The following MATCAP1 variants were observed in gnomAD, a reference collection of about 807,000 sequenced individuals.
The protein encoded by MATCAP1 is microtubule-associated tyrosine carboxypeptidase 1.
At chr16:67,180,719 G>A in the MATCAP1 span, 4 of 706,246 alleles carry the variant, frequency 5.7e-6, no homozygotes, top group East Asian at 8.6e-5. Flanking sequence ...GTGACCAAAC[G>A]ACCAGCAGGC....
the MATCAP1 span, chr16:67,180,497 C>T: frequency 5.0e-6 from 8 of 1,586,010 alleles, no homozygotes; most frequent in Non-Finnish European, 6.9e-6. Flanking sequence ...ACCAGGGGTA[C>T]AGTGGTGGCC....
the MATCAP1 span, among the ~76,000 whole-genome samples, chr16:67,182,097 A>G: frequency 1.3e-5 from 2 of 152,150 alleles, no homozygotes; most frequent in African/African-American, 4.8e-5. Flanking sequence ...CTAAAATACA[A>G]AATTAGCTGG....
chr16:67,178,489 C>T, the MATCAP1 span: 1 of 1,528,884 alleles, frequency 6.5e-7, no homozygotes, highest in Non-Finnish European at 8.7e-7. Context: ...GTTCACGCCC[C>T]GCAGGTAGTG....
At chr16:67,180,269 C>G in the MATCAP1 span, 1 of 1,612,632 alleles carries the variant, frequency 6.2e-7, no homozygotes, top group Non-Finnish European at 8.5e-7. Flanking sequence ...AGGCTGCAGG[C>G]CGCAGGGTGC....
the MATCAP1 span, among the ~76,000 whole-genome samples, chr16:67,181,012 C>T: frequency 6.6e-6 from 1 of 152,330 alleles, no homozygotes; most frequent in Admixed American, 6.5e-5. Flanking sequence ...AATGCATGAG[C>T]CATCGCACCC....
At chr16:67,178,431 C>G in the MATCAP1 span, 4 of 1,539,112 alleles carry the variant, frequency 2.6e-6, no homozygotes, top group Non-Finnish European at 3.5e-6. Flanking sequence ...CCGGCCGCAG[C>G]CCGTACCGCA....
chr16:67,179,187 G>A, the MATCAP1 span: 2 of 1,341,904 alleles, frequency 1.5e-6, no homozygotes, highest in Non-Finnish European at 1.9e-6. The surrounding 1 kb of genome is among the most constrained non-coding windows in gnomAD (Gnocchi z 5.2). Flanking sequence ...AGGAAGTGGA[G>A]AGAGAAAAAT....
the MATCAP1 span, among the ~76,000 whole-genome samples, chr16:67,182,345 G>A: frequency 2.0e-5 from 3 of 151,220 alleles, no homozygotes; most frequent in East Asian, 1.9e-4. Flanking sequence ...CTCCTACCTT[G>A]CTGGTCATCC....
chr16:67,178,256 C>A, the MATCAP1 span: 1 of 1,565,144 alleles, frequency 6.4e-7, no homozygotes, highest in Non-Finnish European at 8.7e-7. Context: ...TCCCAGCGCA[C>A]ATCGGCGTCC....
the MATCAP1 span, among the ~76,000 whole-genome samples, chr16:67,182,402 T>G: frequency 6.6e-6 from 1 of 152,260 alleles, no homozygotes; most frequent in Non-Finnish European, 1.5e-5. Context: ...GACTTGCCTA[T>G]GGAAACTTCT....
the MATCAP1 span, chr16:67,176,782 G>C: frequency 2.6e-6 from 4 of 1,530,610 alleles, no homozygotes; most frequent in Non-Finnish European, 2.6e-6. The surrounding 1 kb of genome is among the most constrained non-coding windows in gnomAD (Gnocchi z 4.3). Context: ...CTTCTGTCCA[G>C]GGCCTCTGAC....
At chr16:67,175,707 T>C in the MATCAP1 span, 2 of 152,428 alleles carry the variant, frequency 1.3e-5, no homozygotes, top group African/African-American at 2.4e-5. Context: ...TTATAATATA[T>C]TCGCTTACTA....
the MATCAP1 span, among the ~76,000 whole-genome samples, chr16:67,181,028 A>G: frequency 6.6e-6 from 1 of 152,184 alleles, no homozygotes; most frequent in Non-Finnish European, 1.5e-5. Context: ...CACCCAGCCG[A>G]AAGCAAGAGT....
the MATCAP1 span, chr16:67,179,130 G>A: frequency 4.9e-6 from 6 of 1,212,358 alleles, no homozygotes; most frequent in African/African-American, 7.9e-5. The surrounding 1 kb of genome is among the most constrained non-coding windows in gnomAD (Gnocchi z 5.2). Context: ...TTCTCTGGCC[G>A]GTCAGGGCCT....
the MATCAP1 span, chr16:67,180,315 C>T: frequency 6.2e-6 from 10 of 1,612,116 alleles, no homozygotes; most frequent in African/African-American, 1.3e-5. Context: ...AGGTGGAGGC[C>T]GTCCCAGGGT....
the MATCAP1 span, among the ~76,000 whole-genome samples, chr16:67,182,207 C>T: frequency 0.069 from 10,425 of 150,788 alleles, 709 homozygotes; most frequent in African/African-American, 0.18. Context: ...CAAGATTGTG[C>T]CATGGCACTC....
chr16:67,177,884 C>A, the MATCAP1 span: 1 of 777,686 alleles, frequency 1.3e-6, no homozygotes, highest in South Asian at 1.6e-5. Flanking sequence ...TCACTTCCAC[C>A]CACGCTCCCC....
At chr16:67,176,706 C>G in the MATCAP1 span, 9 of 1,134,384 alleles carry the variant, frequency 7.9e-6, no homozygotes, top group Non-Finnish European at 1.2e-6. This position sits in a 1 kb window ranked among gnomAD's most constrained non-coding sequence, Gnocchi z 4.3. Flanking sequence ...CCCAACACCC[C>G]CAAGAAACAC....
At chr16:67,182,982 G>A in the MATCAP1 span, among the ~76,000 whole-genome samples, 1 of 152,316 alleles carries the variant, frequency 6.6e-6, no homozygotes, top group Non-Finnish European at 1.5e-5. Context: ...ACCCAGAACA[G>A]TGCCTGGCCC....
Sources: gnomAD v4.1 joint callset for allele counts (sites outside exome capture counted in the v4.1 genomes callset) on GRCh38, gnomAD v4.1.1 for gene constraint, Gnocchi (gnomAD v3.1) non-coding constraint, MANE v1.5 for transcripts, NCBI Gene and HGNC (gene_info 2026-07-23, HGNC 2026-07-21) for gene names.